MYT1L: variants seen among roughly 807,000 people sequenced by gnomAD.
MYT1L encodes the protein myelin transcription factor 1-like protein.
Under a neutral mutation model 126.7 loss-of-function variants are expected in MYT1L, and 12 were observed. The observed-to-expected ratio is 0.09, with a 90% confidence interval of 0.06 to 0.15. The LOEUF (loss-of-function observed/expected upper bound fraction) is 0.15, where lower values mean the gene tolerates loss of function less well. MYT1L is among the 10% of genes least tolerant of loss of function. The probability of loss-of-function intolerance (pLI) is 1.00; values close to 1 mark genes in which losing one functional copy is unlikely to be tolerated. For synonymous variants in MYT1L, 541 were observed against 604.2 expected (o/e 0.90, Z 1.53); for missense variants, 979 against 1,585.2 (o/e 0.62, Z 6.49).
At chr2:1,949,419 G>A (rs2149302506) in intron 8 of MYT1L, among the ~76,000 whole-genome samples, 1 of 152,240 alleles carries the variant, frequency 6.6e-6, no homozygotes, top group Non-Finnish European at 1.5e-5. Flanking sequence ...GGCCCATGCG[G>A]ATGCCTCACG....
At chr2:2,319,358 C>T (rs1342420764) in intron 1 of MYT1L, 4 of 152,040 alleles carry the variant, frequency 2.6e-5, no homozygotes, top group Admixed American at 6.5e-5. Context: ...AAACAGCATT[C>T]TGTTTACTGT....
At chr2:1,794,530 G>A (rs1054038896) in intron 23 of MYT1L, among the ~76,000 whole-genome samples, 3 of 152,224 alleles carry the variant, frequency 2.0e-5, no homozygotes, top group African/African-American at 2.4e-5. Flanking sequence ...CCCCGGCTTA[G>A]CGGAGAAGCA....
At chr2:2,191,342 T>C (rs1247756232) in intron 2 of MYT1L, among the ~76,000 whole-genome samples, 3 of 152,082 alleles carry the variant, frequency 2.0e-5, no homozygotes, top group African/African-American at 7.3e-5. Flanking sequence ...TGCAAGTAAA[T>C]ACCATCTGCT....
chr2:2,154,249 CT>C (rs1427136723), intron 3 of MYT1L, among the ~76,000 whole-genome samples: 1 of 152,148 alleles, frequency 6.6e-6, no homozygotes, highest in Non-Finnish European at 1.5e-5. Flanking sequence ...TTGAAACCCA[CT>C]CACCATCTGT....
chr2:2,093,610 A>G (rs1435228622), intron 3 of MYT1L, among the ~76,000 whole-genome samples: 2 of 152,080 alleles, frequency 1.3e-5, no homozygotes, highest in South Asian at 2.1e-4. Context: ...AGATGAGTAG[A>G]TTGCAAAAAT....
At chr2:2,216,038 T>C (rs1189245443) in intron 2 of MYT1L, among the ~76,000 whole-genome samples, 1 of 150,728 alleles carries the variant, frequency 6.6e-6, no homozygotes, top group African/African-American at 2.4e-5. Flanking sequence ...TGTGTCTGTC[T>C]GTCTGTCTCT....
chr2:2,111,586 A>G (rs2079464954), intron 3 of MYT1L, among the ~76,000 whole-genome samples: 1 of 152,238 alleles, frequency 6.6e-6, no homozygotes, highest in Non-Finnish European at 1.5e-5. Context: ...TCTTTCTAAC[A>G]AAGAGGAATT....
rs187612504 is a variant in MYT1L at position 1,943,628 on chromosome 2, C to T, written c.153-294G>A. ...TAATTCCAGAGATCCTACGAAAATT[C>T]ATGAGATTGGTTTGCATAATGTGTA... On this transcript the variant is annotated intron_variant, in intron 8 of 24. Transcript: ENST00000647738. This position sits in a 1 kb window ranked among gnomAD's most constrained non-coding sequence, Gnocchi z 4.4. Among the ~76,000 whole-genome samples, 115 of 152,252 alleles carry T rather than the reference C, an allele frequency of 7.6e-4. No individual in the cohort carries two copies. The Middle Eastern group carries it at 0.017, about 23-fold the overall frequency.
At chr2:2,293,693 C>T (rs1288210171) in intron 1 of MYT1L, among the ~76,000 whole-genome samples, 1 of 152,226 alleles carries the variant, frequency 6.6e-6, no homozygotes, top group East Asian at 1.9e-4. Context: ...TGCCCTGGCC[C>T]TTCTGGGAAG....
intron 19 of MYT1L, among the ~76,000 whole-genome samples, chr2:1,850,748 A>G (rs1286797848): frequency 1.3e-5 from 2 of 152,148 alleles, no homozygotes; most frequent in African/African-American, 4.8e-5. Context: ...GCCGGCCATC[A>G]GCAATGACAG....
intron 18 of MYT1L, chr2:1,885,555 C>A (rs2048064169): frequency 6.6e-6 from 1 of 152,618 alleles, no homozygotes; most frequent in Non-Finnish European, 1.5e-5. Context: ...CCTGGTCTAT[C>A]GTCAGGGTCC....
At chr2:2,306,292 T>C (rs1157663583) in intron 1 of MYT1L, 1 of 152,174 alleles carries the variant, frequency 6.6e-6, no homozygotes, top group African/African-American at 2.4e-5. Context: ...CTCAGTTGCT[T>C]GAACTCAAGA....
At position 2,228,282 on chromosome 2, in the gene MYT1L, A is replaced by G. The variant is rs529138860; in HGVS notation, c.-420-55294T>C. ...TACCTTAAGAGCACAAAGATGCAAA[A>G]GTCCATCATATGACTTTCAAATTGG... On this transcript the variant is annotated intron_variant, in intron 2 of 24. Transcript: ENST00000647738. The surrounding 1 kb of genome is among the most constrained non-coding windows in gnomAD (Gnocchi z 5.9). 6.6e-5 allele frequency among the ~76,000 whole-genome samples: 10 copies of G among 152,352 alleles called. No individual in the cohort carries two copies. Among genetic ancestry groups the G allele is most frequent in the Admixed American group, 2.6e-4 (4 of 15,308 alleles).
At chr2:1,897,988 A>G (rs2049843417) in intron 14 of MYT1L, among the ~76,000 whole-genome samples, 1 of 152,206 alleles carries the variant, frequency 6.6e-6, no homozygotes, top group Non-Finnish European at 1.5e-5. Context: ...AAGGAAAAGC[A>G]CACAGGATTT....
At chr2:1,933,399 A>C (rs2055290363) in intron 9 of MYT1L, among the ~76,000 whole-genome samples, 1 of 152,214 alleles carries the variant, frequency 6.6e-6, no homozygotes, top group Non-Finnish European at 1.5e-5. Context: ...TTGGGCCAGA[A>C]AAAAACGCAG....
chr2:2,030,843 T>A (rs1043452333), intron 4 of MYT1L, among the ~76,000 whole-genome samples: 1 of 152,208 alleles, frequency 6.6e-6, no homozygotes, highest in Non-Finnish European at 1.5e-5. Flanking sequence ...GACTTCTAAC[T>A]AGAATGACTG....
Position 1,855,364 on chromosome 2 carries a change from C to T in MYT1L, c.2712-3661G>A, listed in dbSNP as rs2148566059. 1.3e-5 allele frequency among the ~76,000 whole-genome samples: 2 copies of T among 152,330 alleles called. 1 individual carries two copies. Among genetic ancestry groups the T allele is most frequent in the South Asian group, 4.1e-4 (2 of 4,828 alleles). ...ACGAAGGAAGCCCAGGTGGGACAAT[C>T]AGCATCCCCCGTGGATAGAATCAGA... On this transcript the variant is annotated intron_variant, in intron 18 of 24. Transcript: ENST00000647738.
At chr2:1,914,152 G>A (rs1175709936) in intron 11 of MYT1L, among the ~76,000 whole-genome samples, 1 of 152,028 alleles carries the variant, frequency 6.6e-6, no homozygotes, top group Non-Finnish European at 1.5e-5. Context: ...TACTCAGGAG[G>A]CTGAAGCAGG....
At chr2:2,011,540 T>C (rs997754174) in intron 4 of MYT1L, among the ~76,000 whole-genome samples, 9 of 151,872 alleles carry the variant, frequency 5.9e-5, no homozygotes, top group African/African-American at 2.2e-4. Context: ...TATCAAAATT[T>C]TAAAAAACAG....
Sources: allele counts gnomAD v4.1 joint callset (sites outside exome capture counted in the v4.1 genomes callset), GRCh38; gene constraint gnomAD v4.1.1; non-coding constraint Gnocchi (gnomAD v3.1); transcripts MANE v1.5; gene names NCBI Gene and HGNC (gene_info 2026-07-23, HGNC 2026-07-21).